Variants in CCDC186 observed in about 807,000 individuals in gnomAD.
The protein encoded by CCDC186 is coiled-coil domain-containing protein 186.
Under a neutral mutation model 113.7 loss-of-function variants are expected in CCDC186, and 49 were observed. The observed-to-expected ratio is 0.43, with a 90% CI of 0.34 to 0.55. The LOEUF is 0.55. Among genes scored for constraint, CCDC186 ranks in the 20% least tolerant of loss-of-function variants. The pLI is 0.02. For synonymous variants in CCDC186, 355 were observed against 345.8 expected (o/e 1.03, Z -0.30); for missense variants, 890 against 1,011.1 (o/e 0.88, Z 1.62).
rs1057095190 is a variant in CCDC186 at position 114,159,665 on chromosome 10, G to T, written c.633-1985C>A. On this transcript the variant is annotated intron_variant, in intron 2 of 15. Transcript: ENST00000369287. ...CAAAAAAAAAAAAAAAAAAAAAAAA[G>T]AATTTTAGGCTAGGCACAGTGGTGC... Among the ~76,000 whole-genome samples, 193 of 118,166 alleles carry T rather than the reference G, an allele frequency of 1.6e-3. 2 individuals are homozygous for T. Among genetic ancestry groups the T allele is most frequent in the African/African-American group, 5.8e-3 (177 of 30,630 alleles). 77.5% of individuals were successfully genotyped at this position (118,166 alleles called of 152,430 possible). A position where few individuals can be genotyped will look rare whatever the true frequency, so the allele number is the denominator to read the frequency against.
At chr10:114,147,684 A>T (rs1207177207) in intron 4 of CCDC186, among the ~76,000 whole-genome samples, 1 of 152,228 alleles carries the variant, frequency 6.6e-6, no homozygotes, top group Non-Finnish European at 1.5e-5. Context: ...GTCAACATAA[A>T]GCCAAAGAAG....
chr10:114,153,056 T>C (rs1171085417), intron 3 of CCDC186, among the ~76,000 whole-genome samples: 1 of 152,104 alleles, frequency 6.6e-6, no homozygotes, highest in Non-Finnish European at 1.5e-5. Context: ...CAATAATAAA[T>C]AGAATTAGGC....
At chr10:114,157,747 A>G in intron 2 of CCDC186, 67 bp from the exon 3 acceptor site, 2 of 1,291,668 alleles carry the variant, frequency 1.5e-6, no homozygotes, top group Non-Finnish European at 2.1e-6. Flanking sequence ...TATGTGGAAT[A>G]TAATTTCTTT....
Position 114,174,062 on chromosome 10 carries a change from T to G in CCDC186, c.-109A>C. ...CACGCCCTAACAAGGCTGCTGGAGC[T>G]CTGGCTCAGGGGCCAACTTTTCCAT... On this transcript the variant is annotated 5_prime_UTR_variant, in exon 1 of 16. Coordinates refer to ENST00000369287, the MANE Select transcript of CCDC186 (RefSeq NM_018017.4). 2.1e-6 allele frequency: 1 copy of G among 472,104 alleles called. No homozygotes were observed. Among genetic ancestry groups the G allele is most frequent in the Non-Finnish European group, 4.4e-6 (1 of 227,056 alleles). The allele number at this position is 472,104 out of a possible 1,614,324, so 29.2% of individuals were successfully genotyped here.
chr10:114,139,165 G>C (rs2031377720), intron 6 of CCDC186, among the ~76,000 whole-genome samples: 1 of 150,854 alleles, frequency 6.6e-6, no homozygotes, highest in African/African-American at 2.4e-5. Flanking sequence ...TAGTTAGGTT[G>C]GGTTCCCCAA....
chr10:114,154,210 CAAAAA>C (rs1276405190), intron 3 of CCDC186, among the ~76,000 whole-genome samples: 3 of 81,158 alleles, frequency 3.7e-5, no homozygotes, highest in Non-Finnish European at 5.3e-5. Context: ...GACCTTGTCT[CAAAAA>C]AAAAAAAAAA....
chr10:114,162,908 C>G lies in CCDC186; in HGVS notation c.361G>C (p.Glu121Gln), dbSNP rs745575511. ...TEQKVTQILV[E>Q]LRSSTFPESA... ...TCTGGAAATGTAGATGACCTTAATT[C>G]CACCAATATTTGTGTTACTTTCTGT... Residue 121 changes from glutamate to glutamine, a missense_variant, in exon 2 of 16, where the codon GAA (glutamate) becomes CAA (glutamine). By Grantham distance (29) the Glu-to-Gln change is conservative (BLOSUM62 2). Coordinates refer to ENST00000369287, the MANE Select transcript of CCDC186 (RefSeq NM_018017.4). 5.0e-6 allele frequency: 8 copies of G among 1,613,718 alleles called. No homozygotes were observed. The highest frequency in any genetic ancestry group is 3.3e-4 in the Middle Eastern group (2 of 6,058).
chr10:114,164,970 AT>A (rs2032294071), intron 1 of CCDC186, among the ~76,000 whole-genome samples: 1 of 152,222 alleles, frequency 6.6e-6, no homozygotes, highest in South Asian at 2.1e-4. Context: ...GTTCTCAAAT[AT>A]TTGTTTAATT....
chr10:114,153,655 G>A lies in CCDC186; in HGVS notation c.760-2435C>T, dbSNP rs186192691. On this transcript the variant is annotated intron_variant, in intron 3 of 15. Coordinates refer to ENST00000369287, the MANE Select transcript of CCDC186 (RefSeq NM_018017.4). ...ACAAAAATTAGCTGGGCATGGTGGC[G>A]GGTGCCTGTAATCCCAGCTACTTGG... is the stretch of plus-strand genomic sequence containing the variant. Among the ~76,000 whole-genome samples, 719 of 151,640 alleles carry A rather than the reference G, an allele frequency of 4.7e-3. 10 individuals are homozygous for A. The highest frequency in any genetic ancestry group is 3.6e-3 in the Non-Finnish European group (246 of 67,880).
rs1414388517 is a variant in CCDC186, at chr10:114,121,210, C to T, written c.*3933G>A. 4 of 151,966 alleles carry T rather than the reference C, an allele frequency of 2.6e-5. No homozygotes were observed. Among genetic ancestry groups the T allele is most frequent in the African/African-American group, 9.7e-5 (4 of 41,374 alleles). 9.4% of individuals were successfully genotyped at this position (151,966 alleles called of 1,614,324 possible). A position where few individuals can be genotyped will look rare whatever the true frequency, so the allele number is the denominator to read the frequency against. On this transcript the variant is annotated 3_prime_UTR_variant, in exon 16 of 16. Transcript: ENST00000369287. ...TTCATCTTTGAAAAATTTCAGGTTTCTAGTGCCACCAACTGGTGTTAATTA... is the reference window on the plus strand; with the variant it reads ...TTCATCTTTGAAAAATTTCAGGTTTTTAGTGCCACCAACTGGTGTTAATTA...
At chr10:114,140,952 A>G (rs1255993013) in intron 6 of CCDC186, among the ~76,000 whole-genome samples, 1 of 150,298 alleles carries the variant, frequency 6.7e-6, no homozygotes, top group Admixed American at 6.6e-5. Flanking sequence ...CCCAGGCTGG[A>G]GTGCAGTGGC....
chr10:114,128,830 A>T (rs1256494289), intron 13 of CCDC186, among the ~76,000 whole-genome samples: 1 of 152,246 alleles, frequency 6.6e-6, no homozygotes, highest in Non-Finnish European at 1.5e-5. Flanking sequence ...AAATATATAC[A>T]TGTGCACATA....
chr10:114,126,067 G>A lies in CCDC186; in HGVS notation c.2432C>T (p.Thr811Ile). ...QSYILREESG[T>I]LSSEASDFNK... ...AAAATCAGATGCCTCTGAAGAAAGT[G>A]TGCCTGATTCTTCTCGTAAAATATA... The change falls in exon 15 of 16, where the codon ACA (threonine) becomes ATA (isoleucine). Residue 811 changes from threonine (T) to isoleucine (I), a missense_variant. By Grantham distance (89) the Thr-to-Ile change is moderately conservative (BLOSUM62 -1). Transcript: ENST00000369287. The A allele has an allele frequency of 6.2e-7, 1 of 1,613,930 alleles. No homozygotes were observed. The highest frequency in any genetic ancestry group is 1.1e-5 in the South Asian group (1 of 91,078).
chr10:114,152,984 A>G (rs1016985421), intron 3 of CCDC186, among the ~76,000 whole-genome samples: 2 of 152,208 alleles, frequency 1.3e-5, no homozygotes, highest in Non-Finnish European at 2.9e-5. Context: ...ATGAGGCAAA[A>G]ACTAACAGAA....
In CCDC186 at chr10:114,124,610, G is replaced by A. The variant is rs906824115; in HGVS notation, c.*533C>T. ...AGAGCTAGCTTTCCTATTAAGTTCAGCTTTCATTAAAACTGAAATTAAAAG... is the reference window on the plus strand; with the variant it reads ...AGAGCTAGCTTTCCTATTAAGTTCAACTTTCATTAAAACTGAAATTAAAAG... On this transcript the variant is annotated 3_prime_UTR_variant, in exon 16 of 16. Coordinates refer to ENST00000369287, the MANE Select transcript of CCDC186 (RefSeq NM_018017.4). 4 of 152,144 alleles carry A rather than the reference G, an allele frequency of 2.6e-5. No individual in the cohort carries two copies. The highest frequency in any genetic ancestry group is 4.4e-5 in the Non-Finnish European group (3 of 68,020). The allele number at this position is 152,144 out of a possible 1,614,324, so 9.4% of individuals were successfully genotyped here.
chr10:114,134,853 T>G, intron 10 of CCDC186, 60 bp downstream of exon 10: 1 of 1,538,616 alleles, frequency 6.5e-7, no homozygotes, highest in Non-Finnish European at 8.7e-7. Flanking sequence ...ATTTAGAAAA[T>G]CTTGAAATAA....
At position 114,135,884 on chromosome 10, in the gene CCDC186, GA is replaced by G. The variant is rs1482806195; in HGVS notation, c.1512+6del. 1.9e-6 allele frequency: 3 copies of G among 1,593,682 alleles called. No individual in the cohort carries two copies. The East Asian group carries it at 6.7e-5, about 36-fold the overall frequency. On this transcript the variant is annotated splice_donor_region_variant and intron_variant, in intron 9 of 15. Transcript: ENST00000369287. ...TCCTCTGGATTCATGACTAAAGACT[GA>G]ATTACCTTTGTTCTCAGTGTTCTTA...
At chr10:114,127,799 G>T in intron 13 of CCDC186, 128 bp from the exon 14 acceptor site, 1 of 836,804 alleles carries the variant, frequency 1.2e-6, no homozygotes, top group Non-Finnish European at 1.8e-6. Context: ...AGACAACACA[G>T]GTCAACGTGG....
At chr10:114,131,096 G>A in intron 12 of CCDC186, 51 bp downstream of exon 12, 1 of 1,328,064 alleles carries the variant, frequency 7.5e-7, no homozygotes, top group Non-Finnish European at 9.9e-7. Context: ...AAATCCTAAT[G>A]ATTAAAAGAA....
Sources: gnomAD v4.1 joint callset for allele counts (sites outside exome capture counted in the v4.1 genomes callset) on GRCh38, gnomAD v4.1.1 for gene constraint, MANE v1.5 for transcripts, NCBI Gene and HGNC (gene_info 2026-07-23, HGNC 2026-07-21) for gene names.